Variants in SLC24A2 observed in about 807,000 individuals in gnomAD.
SLC24A2 encodes sodium/potassium/calcium exchanger 2.
Under a neutral mutation model 62.0 loss-of-function variants are expected in SLC24A2, and 36 were observed. That is an observed-to-expected ratio of 0.58 (90% CI 0.44 to 0.77). The LOEUF (loss-of-function observed/expected upper bound fraction) is 0.77. Ranked by LOEUF, SLC24A2 falls within the 30% of genes least tolerant of loss-of-function variation. SLC24A2 has a pLI of 0.00. For missense variants in SLC24A2, 846 were observed against 817.9 expected (o/e 1.03, Z -0.42); for synonymous variants, 358 against 294.0 (o/e 1.22, Z -2.23).
At chr9:19,548,157 A>G (rs937985596) in intron 8 of SLC24A2, among the ~76,000 whole-genome samples, 1 of 151,542 alleles carries the variant, frequency 6.6e-6, no homozygotes, top group African/African-American at 2.4e-5. Context: ...AGGTAATGGG[A>G]TGGGGTTTTT....
chr9:19,848,950 C>T, the SLC24A2 span, among the ~76,000 whole-genome samples: 6 of 152,344 alleles, frequency 3.9e-5, no homozygotes, highest in South Asian at 2.1e-4. Flanking sequence ...GCCCCAGGCA[C>T]TGGGGATACA....
chr9:19,906,774 A>C, the SLC24A2 span, among the ~76,000 whole-genome samples: 1 of 152,254 alleles, frequency 6.6e-6, no homozygotes, highest in Admixed American at 6.5e-5. Flanking sequence ...AGACTAAGCC[A>C]GGAAGAAGTT....
chr9:19,643,405 T>C (rs986724403), intron 2 of SLC24A2, among the ~76,000 whole-genome samples: 12 of 152,228 alleles, frequency 7.9e-5, no homozygotes, highest in Admixed American at 2.0e-4. Flanking sequence ...TATTCCAGAC[T>C]TAATGGGTAC....
chr9:19,831,162 G>C, the SLC24A2 span, among the ~76,000 whole-genome samples: 1 of 152,150 alleles, frequency 6.6e-6, no homozygotes, highest in Non-Finnish European at 1.5e-5. Flanking sequence ...TGATACTATT[G>C]CATTGGGGAT....
chr9:20,285,356 A>T, the SLC24A2 span, among the ~76,000 whole-genome samples: 1 of 152,346 alleles, frequency 6.6e-6, no homozygotes, highest in African/African-American at 2.4e-5. Context: ...CAAGACATTG[A>T]TATGCAGAGT....
chr9:19,553,402 G>A (rs921229204), intron 7 of SLC24A2, among the ~76,000 whole-genome samples: 1 of 152,130 alleles, frequency 6.6e-6, no homozygotes, highest in African/African-American at 2.4e-5. Context: ...ACAAAACAAA[G>A]CAAAATGGTC....
the SLC24A2 span, among the ~76,000 whole-genome samples, chr9:20,204,545 C>G: frequency 6.6e-6 from 1 of 152,094 alleles, no homozygotes; most frequent in Non-Finnish European, 1.5e-5. Flanking sequence ...CCTGGACCAA[C>G]TTTGCTGATG....
chr9:19,740,550 G>A (rs974491504), intron 2 of SLC24A2, among the ~76,000 whole-genome samples: 2 of 152,188 alleles, frequency 1.3e-5, no homozygotes, highest in African/African-American at 4.8e-5. Context: ...GGGAAGCAGT[G>A]AGGAAAGAAC....
At chr9:19,806,014 C>G in the SLC24A2 span, among the ~76,000 whole-genome samples, 1 of 151,926 alleles carries the variant, frequency 6.6e-6, no homozygotes, top group Non-Finnish European at 1.5e-5. Flanking sequence ...TTTGTATTAC[C>G]TCATTTTACT....
chr9:19,911,793 A>G, the SLC24A2 span, among the ~76,000 whole-genome samples: 5 of 152,144 alleles, frequency 3.3e-5, no homozygotes, highest in South Asian at 2.1e-4. Flanking sequence ...AGACACATCT[A>G]TGATGCACCA....
the SLC24A2 span, chr9:19,895,754 C>T: frequency 1.8e-5 from 27 of 1,522,622 alleles, no homozygotes; most frequent in East Asian, 2.4e-5. Flanking sequence ...GGCTGGGCGG[C>T]CCAGTCCCAC....
At chr9:20,283,896 C>T in the SLC24A2 span, among the ~76,000 whole-genome samples, 1 of 152,166 alleles carries the variant, frequency 6.6e-6, no homozygotes, top group South Asian at 2.1e-4. Context: ...TACGCATGCC[C>T]ATCTGAGGCA....
chr9:20,014,564 ACT>A, the SLC24A2 span, among the ~76,000 whole-genome samples: 1 of 151,584 alleles, frequency 6.6e-6, no homozygotes, highest in East Asian at 1.9e-4. Flanking sequence ...AAGAGGAAAA[ACT>A]CTGTCACTTG....
At chr9:20,185,877 C>T in the SLC24A2 span, among the ~76,000 whole-genome samples, 3 of 152,030 alleles carry the variant, frequency 2.0e-5, no homozygotes, top group African/African-American at 7.2e-5. Flanking sequence ...GCAGACACCC[C>T]CACACTCAGG....
At chr9:20,081,317 T>A in the SLC24A2 span, among the ~76,000 whole-genome samples, 1 of 152,044 alleles carries the variant, frequency 6.6e-6, no homozygotes, top group South Asian at 2.1e-4. Context: ...GATGAGTTCA[T>A]GTCCTTTGTA....
At chr9:19,808,748 A>C in the SLC24A2 span, among the ~76,000 whole-genome samples, 7 of 152,106 alleles carry the variant, frequency 4.6e-5, no homozygotes, top group African/African-American at 7.2e-5. This position sits in a 1 kb window ranked among gnomAD's most constrained non-coding sequence, Gnocchi z 4.1. Flanking sequence ...TCCCTGCTTA[A>C]GTTTTGATTT....
intron 5 of SLC24A2, among the ~76,000 whole-genome samples, chr9:19,591,620 C>T (rs1836554847): frequency 6.6e-6 from 1 of 152,170 alleles, no homozygotes; most frequent in Non-Finnish European, 1.5e-5. Flanking sequence ...TCCAAGAATA[C>T]AGACGTGATG....
chr9:19,763,586 C>A (rs1184766293), intron 2 of SLC24A2, among the ~76,000 whole-genome samples: 7 of 152,118 alleles, frequency 4.6e-5, no homozygotes, highest in South Asian at 4.1e-4. Context: ...AGTTTTGTCA[C>A]TGGTTCTGTT....
intron 2 of SLC24A2, among the ~76,000 whole-genome samples, chr9:19,709,962 C>T (rs1274561057): frequency 1.3e-5 from 2 of 151,996 alleles, no homozygotes; most frequent in Non-Finnish European, 2.9e-5. Context: ...AAACCTCTTC[C>T]TCTAGAAGAT....
Sources: gnomAD v4.1 joint callset for allele counts (sites outside exome capture counted in the v4.1 genomes callset) on GRCh38, gnomAD v4.1.1 for gene constraint, Gnocchi (gnomAD v3.1) non-coding constraint, MANE v1.5 for transcripts, NCBI Gene and HGNC (gene_info 2026-07-23, HGNC 2026-07-21) for gene names.